RBFOX1: variants seen among roughly 807,000 people sequenced by gnomAD.
RBFOX1 encodes RNA binding protein fox-1 homolog 1.
RBFOX1 carries 8 observed loss-of-function variants against 57.7 expected under a neutral mutation model. The observed-to-expected ratio is 0.14, with a 90% CI of 0.08 to 0.25. The LOEUF (loss-of-function observed/expected upper bound fraction) is 0.25, where lower values mean the gene tolerates loss of function less well. RBFOX1 is among the 10% of genes least tolerant of loss of function. The probability of loss-of-function intolerance (pLI) is 1.00; values close to 1 mark genes in which losing one functional copy is unlikely to be tolerated. For missense variants in RBFOX1, 611 were observed against 548.5 expected, an observed-to-expected ratio of 1.11 and a Z score of -1.14; for synonymous variants, 326 against 222.4, an observed-to-expected ratio of 1.47 and a Z score of -4.15.
chr16:7,094,981 G>A (rs1439752889), intron 4 of RBFOX1, among the ~76,000 whole-genome samples: 1 of 151,920 alleles, frequency 6.6e-6, no homozygotes, highest in Non-Finnish European at 1.5e-5. Context: ...AAACATCAAA[G>A]GTAAACATCA....
At chr16:6,429,331 A>T (rs1212667112) in intron 2 of RBFOX1, among the ~76,000 whole-genome samples, 5 of 152,242 alleles carry the variant, frequency 3.3e-5, no homozygotes, top group Admixed American at 3.3e-4. Flanking sequence ...CTGCTGCTGC[A>T]GGGTTTCTTG....
chr16:7,008,423 C>G (rs1392588039), intron 3 of RBFOX1, among the ~76,000 whole-genome samples: 1 of 151,938 alleles, frequency 6.6e-6, no homozygotes, highest in South Asian at 2.1e-4. Context: ...ATCTGTAATT[C>G]CAGACACTCA....
At chr16:7,529,599 A>T (rs772533457) in intron 5 of RBFOX1, among the ~76,000 whole-genome samples, 2 of 152,194 alleles carry the variant, frequency 1.3e-5, no homozygotes, top group East Asian at 3.8e-4. Context: ...TAAGAATAGC[A>T]GCAATTTTTA....
chr16:5,358,551 C>G (rs1285152899), intron 1 of RBFOX1, among the ~76,000 whole-genome samples: 1 of 152,134 alleles, frequency 6.6e-6, no homozygotes, highest in Admixed American at 6.5e-5. Context: ...GTGTTGCAAA[C>G]TTAAAAATGC....
chr16:5,278,112 A>T (rs1018884308), intron 1 of RBFOX1, among the ~76,000 whole-genome samples: 8 of 152,190 alleles, frequency 5.3e-5, no homozygotes, highest in African/African-American at 1.9e-4. Context: ...ACTAATTTAC[A>T]TTGCCACCAA....
chr16:6,508,243 C>T (rs1246201269), intron 2 of RBFOX1, among the ~76,000 whole-genome samples: 6 of 152,006 alleles, frequency 3.9e-5, no homozygotes, highest in Admixed American at 3.3e-4. Context: ...GGGAGAGGAT[C>T]AGGAAAAATA....
rs189331589 is a variant in RBFOX1, at chr16:7,390,154, T to C, written c.28-127993T>C. On this transcript the variant is annotated intron_variant, in intron 4 of 15. Transcript: ENST00000550418. ...TCAAACAAACAGCTCTTGTGAAAAC[T>C]CTATCAAAAGAACAGCAAGGGGGAT... Among the ~76,000 whole-genome samples the C allele has an allele frequency of 1.2e-3, 175 of 152,138 alleles. 1 individual carries two copies. Among genetic ancestry groups the C allele is most frequent in the African/African-American group, 4.1e-3 (169 of 41,512 alleles).
At chr16:7,610,213 G>A (rs1351358776) in intron 10 of RBFOX1, among the ~76,000 whole-genome samples, 2 of 138,702 alleles carry the variant, frequency 1.4e-5, no homozygotes, top group African/African-American at 5.4e-5. Context: ...TCCGCCTCCC[G>A]GGTTCATGCA....
At chr16:5,459,733 ACACACACGCT>A (rs1189872700) in intron 1 of RBFOX1, among the ~76,000 whole-genome samples, 2 of 152,086 alleles carry the variant, frequency 1.3e-5, no homozygotes, top group Non-Finnish European at 2.9e-5. Context: ...ACATGCACGC[ACACACACGCT>A]CACACACGCA....
intron 2 of RBFOX1, among the ~76,000 whole-genome samples, chr16:6,489,600 TA>T (rs1209878760): frequency 1.3e-5 from 2 of 152,164 alleles, no homozygotes; most frequent in African/African-American, 4.8e-5. Flanking sequence ...TACAGAAGCC[TA>T]AGCGTTGAGG....
At chr16:5,970,214 T>C (rs568428419) in intron 4 of RBFOX1, among the ~76,000 whole-genome samples, 1 of 152,294 alleles carries the variant, frequency 6.6e-6, no homozygotes, top group Admixed American at 6.5e-5. Flanking sequence ...ATCTTGACAT[T>C]CATGAAGGCA....
At chr16:5,991,033 A>C (rs2060384919) in intron 4 of RBFOX1, among the ~76,000 whole-genome samples, 1 of 152,192 alleles carries the variant, frequency 6.6e-6, no homozygotes, top group Non-Finnish European at 1.5e-5. Context: ...GAAATAAAAA[A>C]AATGTTTTAA....
chr16:6,249,646 G>C (rs974288829), intron 1 of RBFOX1, among the ~76,000 whole-genome samples: 3 of 152,126 alleles, frequency 2.0e-5, no homozygotes, highest in African/African-American at 7.2e-5. Flanking sequence ...TGGAGGTAAG[G>C]CATGCAGGCA....
chr16:6,053,853 T>C (rs1358764118), intron 1 of RBFOX1, among the ~76,000 whole-genome samples: 1 of 150,494 alleles, frequency 6.6e-6, no homozygotes, highest in African/African-American at 2.4e-5. Flanking sequence ...AGCACAGGAG[T>C]TCAAGACCAG....
At chr16:6,986,064 G>C (rs1029888139) in intron 3 of RBFOX1, among the ~76,000 whole-genome samples, 1 of 151,212 alleles carries the variant, frequency 6.6e-6, no homozygotes, top group Non-Finnish European at 1.5e-5. Flanking sequence ...AATTTCATTT[G>C]TCTTTTTAAA....
chr16:6,499,669 A>G (rs529072488), intron 2 of RBFOX1, among the ~76,000 whole-genome samples: 1 of 152,218 alleles, frequency 6.6e-6, no homozygotes, highest in South Asian at 2.1e-4. Flanking sequence ...ATGTGTCAAC[A>G]TCACTTCAGT....
At chr16:7,240,102 G>C (rs923074348) in intron 4 of RBFOX1, among the ~76,000 whole-genome samples, 1 of 152,100 alleles carries the variant, frequency 6.6e-6, no homozygotes, top group Non-Finnish European at 1.5e-5. Flanking sequence ...GAGTAGCTGG[G>C]ATTACGGGCA....
chr16:6,979,551 CT>C (rs1391268534), intron 3 of RBFOX1, among the ~76,000 whole-genome samples: 1 of 152,252 alleles, frequency 6.6e-6, no homozygotes, highest in East Asian at 1.9e-4. Flanking sequence ...TACAGCAATG[CT>C]TTTGCAAAAG....
intron 4 of RBFOX1, among the ~76,000 whole-genome samples, chr16:7,311,312 A>C (rs2096300949): frequency 6.6e-6 from 1 of 152,048 alleles, no homozygotes; most frequent in Non-Finnish European, 1.5e-5. Flanking sequence ...CTGGAGTGGA[A>C]AGCATTCAGA....
Sources: allele counts gnomAD v4.1 joint callset (sites outside exome capture counted in the v4.1 genomes callset), GRCh38; gene constraint gnomAD v4.1.1; transcripts MANE v1.5; gene names NCBI Gene and HGNC (gene_info 2026-07-23, HGNC 2026-07-21).